HS3ST3A1: variants seen among roughly 807,000 people sequenced by gnomAD.
The protein encoded by HS3ST3A1 is heparan sulfate-glucosamine 3-sulfotransferase 3A1.
A neutral mutation model predicts 25.7 loss-of-function variants in HS3ST3A1; 19 were observed. That is an observed-to-expected ratio of 0.74 (90% CI 0.52 to 1.08). The LOEUF (loss-of-function observed/expected upper bound fraction) is 1.08, where lower values mean the gene tolerates loss of function less well. HS3ST3A1 is among the 50% of genes least tolerant of loss of function. The pLI is 0.00. For missense variants in HS3ST3A1, 459 were observed against 594.3 expected, an observed-to-expected ratio of 0.77 and a Z score of 2.37; for synonymous variants, 226 against 278.6, an observed-to-expected ratio of 0.81 and a Z score of 1.88.
chr17:13,593,122 T>C (rs62053919), intron 1 of HS3ST3A1, among the ~76,000 whole-genome samples: 21,606 of 151,638 alleles, frequency 0.14, 1,634 homozygotes, highest in African/African-American at 0.17. Flanking sequence ...CCTGGAAAAT[T>C]GGGACCGTGT....
intron 1 of HS3ST3A1, among the ~76,000 whole-genome samples, chr17:13,564,686 T>C (rs1417335653): frequency 1.3e-5 from 2 of 151,720 alleles, no homozygotes; most frequent in African/African-American, 4.8e-5. Context: ...AGATGTGGAA[T>C]GTCCCCTGTG....
chr17:13,572,619 A>G (rs1053991297), intron 1 of HS3ST3A1, among the ~76,000 whole-genome samples: 1 of 152,322 alleles, frequency 6.6e-6, no homozygotes, highest in Admixed American at 6.5e-5. Flanking sequence ...CTGTTCATAG[A>G]GGCTGGGCTC....
intron 1 of HS3ST3A1, among the ~76,000 whole-genome samples, chr17:13,561,262 G>A (rs577629722): frequency 2.6e-5 from 4 of 152,230 alleles, no homozygotes; most frequent in African/African-American, 9.6e-5. Flanking sequence ...GTATGGCTGT[G>A]TATTCTTGTC....
At position 13,526,405 on chromosome 17, in the gene HS3ST3A1, T is replaced by C. The variant is rs557246268; in HGVS notation, c.600-29587A>G. On this transcript the variant is annotated intron_variant, in intron 1 of 1. Transcript: ENST00000284110. The stretch of plus-strand genomic sequence containing the variant: ...ATTTCTTTGGCCATGTCACTGGGAA[T>C]TGGGGGGAAGGAAACACTTAAAGCA... 1.3e-4 allele frequency among the ~76,000 whole-genome samples: 19 copies of C among 146,876 alleles called. No individual in the cohort carries two copies. In the South Asian group the frequency reaches 3.0e-3, roughly 24 times the overall value.
chr17:13,496,888 C>G (rs1423250453), intron 1 of HS3ST3A1, 70 bp from the exon 2 acceptor site: 15 of 1,546,192 alleles, frequency 9.7e-6, no homozygotes, highest in Non-Finnish European at 1.1e-5. Flanking sequence ...CTGTCAAGTA[C>G]ACGCTGGAGC....
rs1391046221 is a variant in HS3ST3A1, at chr17:13,526,543, A to G, written c.600-29725T>C. 9.3e-5 allele frequency among the ~76,000 whole-genome samples: 12 copies of G among 128,444 alleles called. No individual in the cohort carries two copies. In the Admixed American group the frequency reaches 9.5e-4, roughly 10 times the overall value. 84.3% of individuals were successfully genotyped at this position (128,444 alleles called of 152,430 possible). On this transcript the variant is annotated intron_variant, in intron 1 of 1. Transcript: ENST00000284110. ...TTGGGTTGGTCTGTGATTAATTTTC[A>G]TTTCCTCAAGGTTAAAAAATATATA...
chr17:13,528,429 G>A (rs1906505801), intron 1 of HS3ST3A1, among the ~76,000 whole-genome samples: 1 of 152,202 alleles, frequency 6.6e-6, no homozygotes. Flanking sequence ...ATTGCTCAGA[G>A]CAGAGCTTGG....
chr17:13,511,509 T>C (rs1905860011), intron 1 of HS3ST3A1, among the ~76,000 whole-genome samples: 1 of 152,004 alleles, frequency 6.6e-6, no homozygotes, highest in Admixed American at 6.6e-5. Context: ...TACTGAGTGC[T>C]CATTTCTCTG....
rs557193269 is a variant in HS3ST3A1 at position 13,574,134 on chromosome 17, C to CTTT, written c.599+26394_599+26396dup. 7.9e-4 allele frequency among the ~76,000 whole-genome samples: 99 copies of CTTT among 126,034 alleles called. 3 individuals are homozygous for CTTT. The South Asian group carries it at 8.6e-3, about 11-fold the overall frequency. The allele number at this position is 126,034 out of a possible 152,430, so 82.7% of individuals were successfully genotyped here. A position where few individuals can be genotyped will look rare whatever the true frequency, so the allele number is the denominator to read the frequency against. Reference sequence around the variant, plus strand: ...AGTATATACCCATTGCCATATCACTCTTTTTTTTTTTTTTTTTGAGATGGA... The same window carrying CTTT: ...AGTATATACCCATTGCCATATCACTCTTTTTTTTTTTTTTTTTTTTGAGATGGA... On this transcript the variant is annotated intron_variant, in intron 1 of 1. Coordinates refer to ENST00000284110, the MANE Select transcript of HS3ST3A1 (RefSeq NM_006042.3).
At chr17:13,503,978 C>G (rs1458990061) in intron 1 of HS3ST3A1, among the ~76,000 whole-genome samples, 1 of 152,212 alleles carries the variant, frequency 6.6e-6, no homozygotes, top group African/African-American at 2.4e-5. Flanking sequence ...CGCACGTAGA[C>G]ACATACTGAG....
chr17:13,494,831 G>A lies in HS3ST3A1; in HGVS notation c.*1366C>T, dbSNP rs550516403. Among the ~76,000 whole-genome samples the A allele has an allele frequency of 3.3e-5, 5 of 152,242 alleles. No homozygotes were observed. Among genetic ancestry groups the A allele is most frequent in the South Asian group, 2.1e-4 (1 of 4,820 alleles). On this transcript the variant is annotated 3_prime_UTR_variant, in exon 2 of 2. Transcript: ENST00000284110. ...AAATGGGGGATGGGCAGAAACAGAC[G>A]AGAGAAGAGGAAAAGCCACCATTTT...
intron 1 of HS3ST3A1, among the ~76,000 whole-genome samples, chr17:13,582,152 C>T (rs1174422366): frequency 6.6e-6 from 1 of 151,856 alleles, no homozygotes; most frequent in Non-Finnish European, 1.5e-5. Flanking sequence ...GGAAACAACT[C>T]GTTTGGCAAA....
intron 1 of HS3ST3A1, among the ~76,000 whole-genome samples, chr17:13,560,200 G>A (rs1907494012): frequency 7.1e-6 from 1 of 141,100 alleles, no homozygotes; most frequent in Non-Finnish European, 1.5e-5. Flanking sequence ...TGAGGCAGGA[G>A]AATCGCTTGA....
intron 1 of HS3ST3A1, among the ~76,000 whole-genome samples, chr17:13,550,303 A>C (rs1056183986): frequency 2.6e-5 from 4 of 152,188 alleles, no homozygotes; most frequent in African/African-American, 9.7e-5. Flanking sequence ...CTGAGAACAC[A>C]GCTACACCTC....
intron 1 of HS3ST3A1, among the ~76,000 whole-genome samples, chr17:13,541,370 G>T (rs1906926978): frequency 6.6e-6 from 1 of 152,108 alleles, no homozygotes; most frequent in Admixed American, 6.6e-5. Context: ...CAGCTCAAAA[G>T]GTTAGGAATT....
intron 1 of HS3ST3A1, among the ~76,000 whole-genome samples, chr17:13,591,676 T>TGGGGGG (rs375837192): frequency 7.8e-5 from 11 of 141,450 alleles, no homozygotes; most frequent in East Asian, 6.0e-4. Flanking sequence ...TTTTTTTTTT[T>TGGGGGG]GGGACAGAGT....
chr17:13,544,103 A>T (rs1907014578), intron 1 of HS3ST3A1, among the ~76,000 whole-genome samples: 1 of 152,258 alleles, frequency 6.6e-6, no homozygotes, highest in Non-Finnish European at 1.5e-5. Context: ...ATCAAATGAA[A>T]ATATTCCAAG....
At chr17:13,550,895 C>T (rs1598423735) in intron 1 of HS3ST3A1, among the ~76,000 whole-genome samples, 1 of 152,068 alleles carries the variant, frequency 6.6e-6, no homozygotes, top group South Asian at 2.1e-4. Flanking sequence ...AGTGAAACCC[C>T]GTCTCTACGA....
At chr17:13,566,984 G>A (rs1907691677) in intron 1 of HS3ST3A1, among the ~76,000 whole-genome samples, 1 of 152,226 alleles carries the variant, frequency 6.6e-6, no homozygotes, top group South Asian at 2.1e-4. Flanking sequence ...TTTCCATGTA[G>A]ACAACGTGGA....
Sources: allele counts gnomAD v4.1 joint callset (sites outside exome capture counted in the v4.1 genomes callset), GRCh38; gene constraint gnomAD v4.1.1; transcripts MANE v1.5; gene names NCBI Gene and HGNC (gene_info 2026-07-23, HGNC 2026-07-21).